Variants in ZNF385B observed in about 807,000 individuals in gnomAD.
The protein encoded by ZNF385B is zinc finger protein 385B, also known as zinc finger protein 533.
In ZNF385B, 23 loss-of-function variants were observed where a neutral mutation model predicts 39.2. The ratio of observed to expected loss-of-function variants is 0.59; its 90% CI spans 0.42 to 0.83. ZNF385B has a LOEUF of 0.83. ZNF385B is among the 40% of genes least tolerant of loss of function. The pLI, the probability that ZNF385B is intolerant of heterozygous loss-of-function variation, is 0.00. For missense variants in ZNF385B, 552 were observed against 598.9 expected (o/e 0.92, Z 0.82); for synonymous variants, 205 against 222.6 (o/e 0.92, Z 0.70).
Position 179,769,769 on chromosome 2 carries a change from AG to A in ZNF385B, c.31del (p.Glu12LysfsTer5). On this transcript the variant is annotated frameshift_variant, in exon 3 of 10. Transcript: ENST00000410066. LOFTEE classifies it high-confidence loss of function. MRYSLSPDNH[L>X]EDGIMNMANF... ...TGCCATATTCATGATTCCATCTTCAAGATGGTTGTCAGGGCTTAAGGAGTAC... is the reference window on the plus strand; with the variant it reads ...TGCCATATTCATGATTCCATCTTCAAATGGTTGTCAGGGCTTAAGGAGTAC... 3 of 1,613,690 alleles carry A rather than the reference AG, an allele frequency of 1.9e-6. No homozygotes were observed. The highest frequency in any genetic ancestry group is 1.7e-6 in the Non-Finnish European group (2 of 1,179,760).
At chr2:179,606,201 T>C (rs567750237) in intron 3 of ZNF385B, among the ~76,000 whole-genome samples, 3 of 152,266 alleles carry the variant, frequency 2.0e-5, no homozygotes, top group South Asian at 4.1e-4. Flanking sequence ...ATGGTTCTGC[T>C]AGTTGTGCAG....
At chr2:179,544,540 T>C (rs1239145779) in intron 4 of ZNF385B, among the ~76,000 whole-genome samples, 2 of 152,188 alleles carry the variant, frequency 1.3e-5, no homozygotes, top group Non-Finnish European at 2.9e-5. Context: ...CCAGAAATGA[T>C]GTATGTTCTA....
chr2:179,768,294 T>C (rs1260137478), intron 3 of ZNF385B, among the ~76,000 whole-genome samples: 1 of 152,142 alleles, frequency 6.6e-6, no homozygotes, highest in Non-Finnish European at 1.5e-5. Flanking sequence ...GGTAAATGAA[T>C]ACACCTTGGA....
At chr2:179,764,896 T>C (rs1428328962) in intron 3 of ZNF385B, among the ~76,000 whole-genome samples, 1 of 152,232 alleles carries the variant, frequency 6.6e-6, no homozygotes, top group African/African-American at 2.4e-5. Context: ...CTTCCACCTG[T>C]GACATTAGTT....
intron 1 of ZNF385B, among the ~76,000 whole-genome samples, chr2:179,832,641 G>A (rs1420294309): frequency 6.6e-6 from 1 of 152,186 alleles, no homozygotes; most frequent in African/African-American, 2.4e-5. Context: ...TAGCCACCCT[G>A]TGAGATTCCA....
chr2:179,843,263 C>T (rs1349217427), intron 1 of ZNF385B, among the ~76,000 whole-genome samples: 1 of 152,146 alleles, frequency 6.6e-6, no homozygotes, highest in Non-Finnish European at 1.5e-5. Flanking sequence ...AAAGGGAGCA[C>T]AGGGGAACTA....
chr2:179,509,643 A>G (rs2057516834), intron 5 of ZNF385B, among the ~76,000 whole-genome samples: 1 of 152,216 alleles, frequency 6.6e-6, no homozygotes, highest in Non-Finnish European at 1.5e-5. Flanking sequence ...AGTCTTATTT[A>G]TGGCAAAAAT....
chr2:179,720,570 G>C (rs562214239), intron 3 of ZNF385B, among the ~76,000 whole-genome samples: 1 of 151,164 alleles, frequency 6.6e-6, no homozygotes, highest in Non-Finnish European at 1.5e-5. Flanking sequence ...AGGGAGGAAA[G>C]AAGGGAAAGA....
intron 3 of ZNF385B, among the ~76,000 whole-genome samples, chr2:179,672,425 C>G (rs1048698277): frequency 1.3e-5 from 2 of 152,074 alleles, no homozygotes; most frequent in Non-Finnish European, 2.9e-5. Flanking sequence ...TGAGTCAATG[C>G]TGAAACAAGT....
intron 3 of ZNF385B, among the ~76,000 whole-genome samples, chr2:179,673,177 C>T (rs62175161): frequency 0.059 from 8,994 of 152,056 alleles, 380 homozygotes; most frequent in East Asian, 0.16. Context: ...CCAAGCCAAG[C>T]GAAGTAACAT....
At chr2:179,836,332 A>T (rs1280294784) in intron 1 of ZNF385B, among the ~76,000 whole-genome samples, 3 of 152,144 alleles carry the variant, frequency 2.0e-5, no homozygotes, top group African/African-American at 7.2e-5. Flanking sequence ...GACTTCATAG[A>T]CCCACAGTGT....
At chr2:179,678,597 T>A (rs1697180917) in intron 3 of ZNF385B, among the ~76,000 whole-genome samples, 1 of 152,246 alleles carries the variant, frequency 6.6e-6, no homozygotes, top group African/African-American at 2.4e-5. Context: ...TGGAATATCA[T>A]GCCAGACACA....
intron 6 of ZNF385B, among the ~76,000 whole-genome samples, chr2:179,461,525 T>C (rs1430312164): frequency 2.6e-5 from 4 of 152,098 alleles, no homozygotes; most frequent in African/African-American, 7.2e-5. Flanking sequence ...ACTTGAAAAA[T>C]AGTGGGTGAT....
In ZNF385B at chr2:179,524,832, G is replaced by GT. The variant is rs930803055; in HGVS notation, c.442-6195dup. Among the ~76,000 whole-genome samples, 11 of 151,930 alleles carry GT rather than the reference G, an allele frequency of 7.2e-5. No homozygotes were observed. In the East Asian group the frequency reaches 9.7e-4, roughly 13 times the overall value. On this transcript the variant is annotated intron_variant, in intron 4 of 9. Coordinates refer to ENST00000410066, the MANE Select transcript of ZNF385B (RefSeq NM_152520.6). Reference sequence around the variant, plus strand: ...TCCTCTTCCCCCACCCATACTTTGGGTTTTTTTTCCCCTCTGACAGTGACA... The same window carrying GT: ...TCCTCTTCCCCCACCCATACTTTGGGTTTTTTTTTCCCCTCTGACAGTGACA...
chr2:179,574,825 C>A (rs1383637750), intron 3 of ZNF385B, among the ~76,000 whole-genome samples: 3 of 152,136 alleles, frequency 2.0e-5, no homozygotes, highest in Non-Finnish European at 4.4e-5. Context: ...AAGGGCTTTA[C>A]CTAAGGAGAG....
intron 5 of ZNF385B, among the ~76,000 whole-genome samples, chr2:179,494,984 G>A (rs2056044655): frequency 6.6e-6 from 1 of 152,134 alleles, no homozygotes; most frequent in African/African-American, 2.4e-5. Context: ...AAAACAGAGG[G>A]AAAAGTAAAG....
intron 3 of ZNF385B, among the ~76,000 whole-genome samples, chr2:179,675,106 C>T (rs1696573890): frequency 6.6e-6 from 1 of 152,116 alleles, no homozygotes; most frequent in African/African-American, 2.4e-5. Context: ...GACCAAAAGC[C>T]TTACTGATAA....
At chr2:179,814,544 C>G in intron 1 of ZNF385B, 1 of 780,902 alleles carries the variant, frequency 1.3e-6, no homozygotes, top group Admixed American at 1.9e-5. Context: ...GGACTGGCAA[C>G]AACAAGATTA....
chr2:179,843,056 T>C (rs902838786), intron 1 of ZNF385B, among the ~76,000 whole-genome samples: 2 of 152,134 alleles, frequency 1.3e-5, no homozygotes, highest in South Asian at 2.1e-4. Context: ...ATGCAGACCA[T>C]TGTATCCATT....
Sources: allele counts gnomAD v4.1 joint callset (sites outside exome capture counted in the v4.1 genomes callset), GRCh38; gene constraint gnomAD v4.1.1; transcripts MANE v1.5; gene names NCBI Gene and HGNC (gene_info 2026-07-23, HGNC 2026-07-21).